The following ZDHHC11B variants were observed in gnomAD, a reference collection of about 807,000 sequenced individuals.
The protein encoded by ZDHHC11B is zDHHC palmitoyltransferase 11B (putative), also known as probable palmitoyltransferase ZDHHC11B.
ZDHHC11B carries 17 observed loss-of-function variants against 42.3 expected under a neutral mutation model. The observed-to-expected ratio is 0.40, with a 90% CI of 0.27 to 0.60. ZDHHC11B has a LOEUF of 0.60. Among genes scored for constraint, ZDHHC11B ranks in the 20% least tolerant of loss-of-function variants. The pLI is 0.41. For synonymous variants in ZDHHC11B, 123 were observed against 193.5 expected, an observed-to-expected ratio of 0.64 and a Z score of 3.02; for missense variants, 262 against 463.2, an observed-to-expected ratio of 0.57 and a Z score of 3.99.
chr5:714,873 C>T (rs1467154356), intron 13 of ZDHHC11B, among the ~76,000 whole-genome samples: 1 of 151,350 alleles, frequency 6.6e-6, no homozygotes, highest in Admixed American at 6.6e-5. Flanking sequence ...AATGCCCTCC[C>T]TCTGAAGGGA....
intron 4 of ZDHHC11B, among the ~76,000 whole-genome samples, chr5:761,767 G>A (rs1435281501): frequency 6.7e-6 from 1 of 150,258 alleles, no homozygotes; most frequent in African/African-American, 2.5e-5. Flanking sequence ...AGTGAGCACT[G>A]CTTCCCTAAA....
At chr5:765,488 G>A (rs1735150948) in intron 4 of ZDHHC11B, among the ~76,000 whole-genome samples, 1 of 151,862 alleles carries the variant, frequency 6.6e-6, no homozygotes, top group South Asian at 2.1e-4. Flanking sequence ...GGACCAATCA[G>A]CTCTCTGTAA....
Position 766,691 on chromosome 5 carries a change from A to G in ZDHHC11B, c.222+7T>C, listed in dbSNP as rs768522422. Reference sequence around the variant, plus strand: ...CCGCTTAGACCATGCCACGATGAAAAGGATACCACATAGGCGATGTATTTC... The same window carrying G: ...CCGCTTAGACCATGCCACGATGAAAGGGATACCACATAGGCGATGTATTTC... On this transcript the variant is annotated splice_region_variant and intron_variant, in intron 4 of 13. Transcript: ENST00000508859. The G allele has an allele frequency of 5.0e-6, 8 of 1,603,408 alleles. No individual in the cohort carries two copies. The highest frequency in any genetic ancestry group is 6.8e-6 in the Non-Finnish European group (8 of 1,173,954).
chr5:735,699 T>C (rs1579286153), intron 10 of ZDHHC11B, among the ~76,000 whole-genome samples: 2 of 147,870 alleles, frequency 1.4e-5, no homozygotes, highest in South Asian at 2.3e-4. Context: ...GCCAATAATT[T>C]TGTATTCAGC....
intron 6 of ZDHHC11B, among the ~76,000 whole-genome samples, chr5:754,231 T>C: frequency 8.6e-6 from 1 of 115,876 alleles, no homozygotes; most frequent in African/African-American, 3.2e-5. Context: ...GTCTCATCTA[T>C]GAGCCTCCAC....
At chr5:739,275 G>A (rs1320092626) in intron 10 of ZDHHC11B, among the ~76,000 whole-genome samples, 2 of 150,876 alleles carry the variant, frequency 1.3e-5, no homozygotes, top group South Asian at 2.1e-4. Flanking sequence ...GTGGGTGACT[G>A]TAATCCCAGG....
At chr5:729,370 G>T (rs1252314445) in intron 12 of ZDHHC11B, among the ~76,000 whole-genome samples, 1 of 151,246 alleles carries the variant, frequency 6.6e-6, no homozygotes, top group Admixed American at 6.6e-5. Context: ...GGCTGCAGCT[G>T]CTGTGTGCCC....
At chr5:777,703 C>T (rs191269572) in intron 1 of ZDHHC11B, among the ~76,000 whole-genome samples, 1 of 150,774 alleles carries the variant, frequency 6.6e-6, no homozygotes, top group Non-Finnish European at 1.5e-5. Context: ...CATTGACAAG[C>T]CTTTAGCTAG....
intron 7 of ZDHHC11B, among the ~76,000 whole-genome samples, chr5:749,891 G>A (rs1268105996): frequency 2.4e-5 from 3 of 123,110 alleles, no homozygotes; most frequent in East Asian, 3.2e-4. Context: ...TCAGGGCCTC[G>A]CCAGGGTGGA....
intron 13 of ZDHHC11B, among the ~76,000 whole-genome samples, chr5:714,408 A>G (rs72503627): frequency 0.22 from 26,470 of 120,080 alleles, 1,667 homozygotes; most frequent in African/African-American, 0.4. Flanking sequence ...AATACTGAAG[A>G]AGTGTTTTGT....
intron 12 of ZDHHC11B, among the ~76,000 whole-genome samples, chr5:730,188 T>G (rs1421551522): frequency 6.6e-6 from 1 of 151,856 alleles, no homozygotes; most frequent in African/African-American, 2.4e-5. Flanking sequence ...AGAAAATAAC[T>G]ACGCTTGGCC....
Position 751,593 on chromosome 5 carries a change from G to A in ZDHHC11B, c.504-336C>T, listed in dbSNP as rs1158984497. On this transcript the variant is annotated intron_variant, in intron 6 of 13. Transcript: ENST00000508859. Reference sequence around the variant, plus strand: ...GGTGCAGAGGCAGGGATGGGGACGCGCAGGGCATCTGGAGCCCGCAGGGTG... The same window carrying A: ...GGTGCAGAGGCAGGGATGGGGACGCACAGGGCATCTGGAGCCCGCAGGGTG... Among the ~76,000 whole-genome samples, 11 of 123,040 alleles carry A rather than the reference G, an allele frequency of 8.9e-5. 1 individual carries two copies. The highest frequency in any genetic ancestry group is 1.3e-4 in the Non-Finnish European group (7 of 55,082). 80.7% of individuals were successfully genotyped at this position (123,040 alleles called of 152,430 possible).
In ZDHHC11B at chr5:729,074, C is replaced by G. The variant is rs62332089; in HGVS notation, c.1058+1360G>C. ...AGCTGGGTTGGGAGGATGAGGCCAG[C>G]TGGGTGCACTCATCTGTGAGGGGGA... On this transcript the variant is annotated intron_variant, in intron 12 of 13. Coordinates refer to ENST00000508859, the MANE Select transcript of ZDHHC11B (RefSeq NM_001351303.2). Among the ~76,000 whole-genome samples the G allele has an allele frequency of 1.3e-4, 19 of 149,140 alleles. No homozygotes were observed. The South Asian group carries it at 1.7e-3, about 13-fold the overall frequency.
At chr5:766,646 G>A in intron 4 of ZDHHC11B, 52 bp downstream of exon 4, 1 of 1,533,974 alleles carries the variant, frequency 6.5e-7, no homozygotes. Context: ...GTCCATCGCA[G>A]GGTCCTCCAG....
intron 10 of ZDHHC11B, among the ~76,000 whole-genome samples, chr5:736,046 C>T (rs1743477752): frequency 6.7e-6 from 1 of 149,508 alleles, no homozygotes; most frequent in Non-Finnish European, 1.5e-5. Flanking sequence ...AAAAATCCAC[C>T]AACCAAGTAT....
chr5:784,533 C>T lies in ZDHHC11B; in HGVS notation c.-230+135G>A, dbSNP rs553595905. On this transcript the variant is annotated intron_variant, in intron 1 of 13. Transcript: ENST00000508859. ...GGGGGCTCAGGGACGCGCAGGGCGG[C>T]CCGGGAATGTGGCTCGGGGGAGCGC... 6.7e-3 allele frequency among the ~76,000 whole-genome samples: 1,014 copies of T among 151,644 alleles called. 12 individuals are homozygous for T. Among genetic ancestry groups the T allele is most frequent in the African/African-American group, 0.023 (930 of 40,890 alleles).
chr5:748,730 CT>C lies in ZDHHC11B; in HGVS notation c.629-172del, dbSNP rs557535754. On this transcript the variant is annotated intron_variant, in intron 7 of 13. Transcript: ENST00000508859. ...TCCTTACCTGAGTGCCCCATGGGCCCTGCTGACTGAGGTTGGTTTTCATGAT... is the reference window on the plus strand; with the variant it reads ...TCCTTACCTGAGTGCCCCATGGGCCCGCTGACTGAGGTTGGTTTTCATGAT... Among the ~76,000 whole-genome samples, 419 of 129,686 alleles carry C rather than the reference CT, an allele frequency of 3.2e-3. 33 individuals carry two copies. The highest frequency in any genetic ancestry group is 9.0e-3 in the African/African-American group (355 of 39,602). The allele number at this position is 129,686 out of a possible 152,430, so 85.1% of individuals were successfully genotyped here.
chr5:750,044 C>T (rs868587695), intron 7 of ZDHHC11B, among the ~76,000 whole-genome samples: 1,277 of 107,706 alleles, frequency 0.012, 7 homozygotes, highest in African/African-American at 0.034. Context: ...ACCGTGTTGG[C>T]TCCGGAATGT....
At chr5:755,547 A>C (rs1246179883) in intron 5 of ZDHHC11B, among the ~76,000 whole-genome samples, 1 of 147,196 alleles carries the variant, frequency 6.8e-6, no homozygotes, top group Middle Eastern at 3.5e-3. Flanking sequence ...CCCTGGAGAC[A>C]CTGGAACCCT....
Sources: gnomAD v4.1 joint callset for allele counts (sites outside exome capture counted in the v4.1 genomes callset) on GRCh38, gnomAD v4.1.1 for gene constraint, MANE v1.5 for transcripts, NCBI Gene and HGNC (gene_info 2026-07-23, HGNC 2026-07-21) for gene names.